Variants in DLEU7 observed in about 807,000 individuals in gnomAD.
DLEU7 encodes the protein deleted in lymphocytic leukemia 7, also known as leukemia-associated protein 7.
DLEU7 carries 17 observed loss-of-function variants against 16.0 expected under a neutral mutation model. The observed-to-expected ratio is 1.06, with a 90% confidence interval of 0.73 to 1.59. The LOEUF is 1.59. DLEU7 is among the 40% of genes most tolerant of loss of function. The pLI is 0.00. For synonymous variants in DLEU7, 113 were observed against 139.8 expected (o/e 0.81, Z 1.35); for missense variants, 308 against 314.9 (o/e 0.98, Z 0.17).
intron 1 of DLEU7, among the ~76,000 whole-genome samples, chr13:50,724,172 A>G (rs1593528612): frequency 6.6e-6 from 1 of 152,338 alleles, no homozygotes; most frequent in Non-Finnish European, 1.5e-5. Context: ...GCTTTAGAAT[A>G]TGCAGTCCTT....
intron 1 of DLEU7, among the ~76,000 whole-genome samples, chr13:50,829,486 A>T (rs1425212901): frequency 6.6e-6 from 1 of 152,198 alleles, no homozygotes; most frequent in Admixed American, 6.5e-5. Flanking sequence ...AAATGCCTTT[A>T]AAAATATAGT....
intron 1 of DLEU7, among the ~76,000 whole-genome samples, chr13:50,713,466 GA>G (rs1873351800): frequency 6.6e-6 from 1 of 152,148 alleles, no homozygotes; most frequent in African/African-American, 2.4e-5. Context: ...CCAGGAAGAA[GA>G]CTTCTCTATA....
intron 1 of DLEU7, among the ~76,000 whole-genome samples, chr13:50,773,875 C>T (rs528842689): frequency 2.0e-5 from 3 of 152,296 alleles, no homozygotes; most frequent in African/African-American, 7.2e-5. Context: ...TGCCCTGCCC[C>T]CAGAGATGGA....
intron 1 of DLEU7, among the ~76,000 whole-genome samples, chr13:50,768,288 A>AT (rs202212686): frequency 3.5e-4 from 52 of 148,924 alleles, no homozygotes; most frequent in South Asian, 1.3e-3. Flanking sequence ...TCATGATTTT[A>AT]TTTTTTTTTT....
chr13:50,725,778 T>C (rs1323829797), intron 1 of DLEU7, among the ~76,000 whole-genome samples: 1 of 152,168 alleles, frequency 6.6e-6, no homozygotes, highest in South Asian at 2.1e-4. Context: ...ATGAAGTTTT[T>C]CTATTTTATT....
chr13:50,843,333 C>CG lies in DLEU7; in HGVS notation c.313dup (p.Arg105ProfsTer51), dbSNP rs780229021. ...GGCCAGGGTGCAGGGCCCGCGGTCC[C>CG]GGGGGAAGGGCAGCAACTCGGCGCC... On this transcript the variant is annotated frameshift_variant, in exon 1 of 2. Transcript: ENST00000504404. LOFTEE classifies it high-confidence loss of function. The surrounding 1 kb of genome is among the most constrained non-coding windows in gnomAD (Gnocchi z 5.7). The CG allele has an allele frequency of 1.3e-6, 2 of 1,483,254 alleles. No individual in the cohort carries two copies. Among genetic ancestry groups the CG allele is most frequent in the South Asian group, 2.7e-5 (2 of 75,308 alleles). The allele number at this position is 1,483,254 out of a possible 1,614,324, so 91.9% of individuals were successfully genotyped here. A position where few individuals can be genotyped will look rare whatever the true frequency, so the allele number is the denominator to read the frequency against.
intron 1 of DLEU7, among the ~76,000 whole-genome samples, chr13:50,764,873 G>GTTTGT (rs199824550): frequency 6.0e-4 from 81 of 135,354 alleles, no homozygotes; most frequent in Middle Eastern, 3.5e-3. Context: ...CCTTTTTTGG[G>GTTTGT]TTTGTTTTGT....
intron 1 of DLEU7, among the ~76,000 whole-genome samples, chr13:50,789,919 C>CTCTTTCTTTCTTTCTT (rs67993003): frequency 3.5e-5 from 5 of 144,254 alleles, no homozygotes; most frequent in African/African-American, 1.0e-4. Context: ...CACCTTTTTT[C>CTCTTTCTTTCTTTCTT]TCTTTCTTTC....
chr13:50,839,218 A>G (rs1369656020), intron 1 of DLEU7, among the ~76,000 whole-genome samples: 2 of 152,212 alleles, frequency 1.3e-5, no homozygotes, highest in Non-Finnish European at 2.9e-5. Flanking sequence ...AAAACCCATC[A>G]CTTCTTAGCT....
chr13:50,820,246 G>A (rs1249050281), downstream of DLEU7, among the ~76,000 whole-genome samples: 1 of 151,958 alleles, frequency 6.6e-6, no homozygotes, highest in African/African-American at 2.4e-5. Context: ...AAAAAGAATT[G>A]TAAGTAACTA....
intron 1 of DLEU7, among the ~76,000 whole-genome samples, chr13:50,716,588 C>T (rs553426577): frequency 2.6e-4 from 40 of 152,326 alleles, no homozygotes; most frequent in Admixed American, 1.0e-3. Context: ...ACTATATACA[C>T]GTGGGCAGAT....
intron 1 of DLEU7, among the ~76,000 whole-genome samples, chr13:50,756,924 G>A (rs1274040544): frequency 6.6e-6 from 1 of 152,122 alleles, no homozygotes; most frequent in East Asian, 1.9e-4. Context: ...ATTTTGCTGG[G>A]CTCTCTAAAT....
intron 1 of DLEU7, among the ~76,000 whole-genome samples, chr13:50,814,292 C>T (rs1014526542): frequency 5.3e-5 from 8 of 152,006 alleles, no homozygotes; most frequent in African/African-American, 7.2e-5. Flanking sequence ...GCAACCCAGA[C>T]GAATCATCTA....
At chr13:50,750,548 T>A (rs1169780716) in intron 1 of DLEU7, among the ~76,000 whole-genome samples, 1 of 152,230 alleles carries the variant, frequency 6.6e-6, no homozygotes, top group African/African-American at 2.4e-5. Context: ...TTCACAATAT[T>A]GATTCAACCC....
At chr13:50,771,325 C>T (rs1875302238) in intron 1 of DLEU7, among the ~76,000 whole-genome samples, 1 of 152,100 alleles carries the variant, frequency 6.6e-6, no homozygotes, top group African/African-American at 2.4e-5. Flanking sequence ...TTTGTTTGCT[C>T]TTGCTTCTCT....
chr13:50,827,318 A>G (rs771458329), intron 1 of DLEU7, among the ~76,000 whole-genome samples: 1 of 152,198 alleles, frequency 6.6e-6, no homozygotes, highest in Non-Finnish European at 1.5e-5. Context: ...GAAAAATGTA[A>G]GAGTTATTAT....
intron 1 of DLEU7, among the ~76,000 whole-genome samples, chr13:50,784,634 A>G (rs1593394611): frequency 6.6e-6 from 1 of 152,144 alleles, no homozygotes; most frequent in East Asian, 1.9e-4. Flanking sequence ...ACTCACAGAG[A>G]GATTGCATGG....
chr13:50,807,630 A>G (rs1876432719), intron 1 of DLEU7, among the ~76,000 whole-genome samples: 2 of 152,108 alleles, frequency 1.3e-5, no homozygotes, highest in Non-Finnish European at 2.9e-5. Flanking sequence ...TTGAAAGGCT[A>G]TTGTAAGGGG....
rs561914853 is a variant in DLEU7 at position 50,755,654 on chromosome 13, A to G, written c.460-42414T>C. On this transcript the variant is annotated intron_variant, in intron 1 of 1. Coordinates refer to the DLEU7 transcript ENST00000400393. ...TTCGCCTTTCTCTGGTGCCTCCCCA[A>G]TTAGCTTAATAACTAACCTCCTGAA... 4.6e-5 allele frequency among the ~76,000 whole-genome samples: 7 copies of G among 152,130 alleles called. No individual in the cohort carries two copies. The South Asian group carries it at 8.3e-4, about 18-fold the overall frequency.
Sources: allele counts gnomAD v4.1 joint callset (sites outside exome capture counted in the v4.1 genomes callset), GRCh38; gene constraint gnomAD v4.1.1; non-coding constraint Gnocchi (gnomAD v3.1); transcripts MANE v1.5; gene names NCBI Gene and HGNC (gene_info 2026-07-23, HGNC 2026-07-21).